The following SCARA3 variants were observed in gnomAD, a reference collection of about 807,000 sequenced individuals.
The protein encoded by SCARA3 is cellular stress response gene protein.
In SCARA3, 39 loss-of-function variants were observed where a neutral mutation model predicts 47.0. The ratio of observed to expected loss-of-function variants is 0.83; its 90% CI spans 0.64 to 1.08. SCARA3 has a LOEUF of 1.08. Ranked by LOEUF, SCARA3 falls within the 50% of genes least tolerant of loss-of-function variation. The probability of loss-of-function intolerance (pLI) is 0.00; values close to 1 mark genes in which losing one functional copy is unlikely to be tolerated. For missense variants in SCARA3, 724 were observed against 792.3 expected, an observed-to-expected ratio of 0.91 and a Z score of 1.04; for synonymous variants, 356 against 334.1, an observed-to-expected ratio of 1.07 and a Z score of -0.71.
chr8:27,658,576 C>T lies in SCARA3; in HGVS notation c.406C>T (p.Leu136=). Residue 136 remains leucine, a synonymous_variant, in exon 5 of 6, where the codon CTG becomes TTG. Coordinates refer to ENST00000301904, the MANE Select transcript of SCARA3 (RefSeq NM_016240.3). ...AGAGATCCGAAAACTGCAGGAGGAG[C>T]TGGAGGGAATTCAGAAGCTGCTTCT... ...GPEIRKLQEE[L]EGIQKLLLAQ... The T allele has an allele frequency of 6.2e-7, 1 of 1,614,168 alleles. No individual in the cohort carries two copies. Among genetic ancestry groups the T allele is most frequent in the Non-Finnish European group, 8.5e-7 (1 of 1,180,032 alleles).
Position 27,659,135 on chromosome 8 carries a change from A to G in SCARA3, c.965A>G (p.Glu322Gly), listed in dbSNP as rs1801831229. ...ATCTCGTCCTTCCTGGATGACCACG[A>G]AGAGAACATGCATGATCTTCAGTAC... is the stretch of plus-strand genomic sequence containing the variant. Reference protein sequence around the residue: ...DNISSFLDDHEENMHDLQYHT... With the variant: ...DNISSFLDDHGENMHDLQYHT... The change falls in exon 5 of 6, where the codon GAA becomes GGA. Residue 322 changes from glutamate to glycine, a missense_variant. Transcript: ENST00000301904. 1 of 1,613,952 alleles carries G rather than the reference A, an allele frequency of 6.2e-7. No individual in the cohort carries two copies. The highest frequency in any genetic ancestry group is 1.7e-5 in the Admixed American group (1 of 59,998).
chr8:27,660,777 TAGAAAC>T (rs980615744), intron 5 of SCARA3, among the ~76,000 whole-genome samples: 33 of 149,606 alleles, frequency 2.2e-4, no homozygotes, highest in Admixed American at 8.0e-4. Flanking sequence ...AGAGAGGTGA[TAGAAAC>T]AGAGATGATA....
At chr8:27,722,831 A>G in the SCARA3 span, among the ~76,000 whole-genome samples, 2 of 152,096 alleles carry the variant, frequency 1.3e-5, no homozygotes, top group Non-Finnish European at 2.9e-5. Context: ...TGAAGGTCAC[A>G]CCATCTGGTC....
Position 27,658,816 on chromosome 8 carries a change from G to C in SCARA3, c.646G>C (p.Val216Leu). Reference sequence around the variant, plus strand: ...GGACCTCACCCAGGAGTGCTACGATGTCAAGGCTGCAGTGCACCAGATCAA... The same window carrying C: ...GGACCTCACCCAGGAGTGCTACGATCTCAAGGCTGCAGTGCACCAGATCAA... ...LKDLTQECYD[V>L]KAAVHQINFT... Residue 216 changes from valine to leucine, a missense_variant, in exon 5 of 6, where the codon GTC becomes CTC. Val to Leu is a conservative substitution (Grantham distance 32). Coordinates refer to ENST00000301904, the MANE Select transcript of SCARA3 (RefSeq NM_016240.3). 1 of 1,614,190 alleles carries C rather than the reference G, an allele frequency of 6.2e-7. No homozygotes were observed. Among genetic ancestry groups the C allele is most frequent in the Non-Finnish European group, 8.5e-7 (1 of 1,180,024 alleles).
intron 5 of SCARA3, among the ~76,000 whole-genome samples, chr8:27,661,564 G>A (rs1801914326): frequency 6.6e-6 from 1 of 152,102 alleles, no homozygotes; most frequent in Admixed American, 6.6e-5. Context: ...AAATAAGGAG[G>A]ATTGATTACA....
At chr8:27,685,544 T>C in the SCARA3 span, among the ~76,000 whole-genome samples, 1 of 152,232 alleles carries the variant, frequency 6.6e-6, no homozygotes, top group East Asian at 1.9e-4. Context: ...AGCATGCATT[T>C]ACAGTTTTTG....
the SCARA3 span, among the ~76,000 whole-genome samples, chr8:27,715,063 A>G: frequency 6.6e-6 from 1 of 152,028 alleles, no homozygotes. This position sits in a 1 kb window ranked among gnomAD's most constrained non-coding sequence, Gnocchi z 4.2. Flanking sequence ...GGGACTATAG[A>G]CACAAGCCAC....
intron 1 of SCARA3, among the ~76,000 whole-genome samples, chr8:27,645,981 A>T (rs35599649): frequency 0.016 from 2,462 of 152,338 alleles, 82 homozygotes; most frequent in African/African-American, 0.057. Context: ...GGCTCGGCTT[A>T]TAAGAGCCTC....
the SCARA3 span, among the ~76,000 whole-genome samples, chr8:27,686,806 A>G: frequency 5.9e-5 from 9 of 152,114 alleles, no homozygotes; most frequent in Admixed American, 5.9e-4. Context: ...CTTTTATTTT[A>G]AGTTCAGGGT....
intron 1 of SCARA3, among the ~76,000 whole-genome samples, chr8:27,647,593 G>A (rs1801533477): frequency 6.6e-6 from 1 of 152,202 alleles, no homozygotes; most frequent in Non-Finnish European, 1.5e-5. Context: ...GAACATGACA[G>A]ATAGTCCCTG....
intron 1 of SCARA3, among the ~76,000 whole-genome samples, chr8:27,640,639 C>T (rs769420194): frequency 3.3e-5 from 5 of 152,044 alleles, no homozygotes; most frequent in African/African-American, 4.8e-5. Flanking sequence ...CTCAGCCTCC[C>T]GATTACTTAG....
At chr8:27,730,488 A>AT in the SCARA3 span, among the ~76,000 whole-genome samples, 79,533 of 137,014 alleles carry the variant, frequency 0.58, 23,563 homozygotes, top group East Asian at 0.95. Flanking sequence ...TCTGCCTTTG[A>AT]TTTTTTTTTT....
At chr8:27,727,019 C>T in the SCARA3 span, among the ~76,000 whole-genome samples, 4 of 152,028 alleles carry the variant, frequency 2.6e-5, no homozygotes, top group African/African-American at 9.7e-5. Context: ...AGTTATCTGC[C>T]CCCACCTCGG....
the SCARA3 span, among the ~76,000 whole-genome samples, chr8:27,728,660 T>C: frequency 2.6e-5 from 4 of 152,200 alleles, no homozygotes; most frequent in African/African-American, 9.7e-5. Flanking sequence ...CTGAATTATA[T>C]GTGAGATTGA....
intron 1 of SCARA3, among the ~76,000 whole-genome samples, chr8:27,635,798 A>G (rs1470444009): frequency 2.0e-5 from 3 of 152,148 alleles, no homozygotes; most frequent in African/African-American, 7.2e-5. Flanking sequence ...TCCCACCAAC[A>G]CACAAACACA....
At chr8:27,704,760 A>ACC in the SCARA3 span, among the ~76,000 whole-genome samples, 7 of 151,952 alleles carry the variant, frequency 4.6e-5, no homozygotes, top group Admixed American at 4.6e-4. Flanking sequence ...CATCACACAC[A>ACC]CACACACACG....
At chr8:27,686,985 C>G in the SCARA3 span, among the ~76,000 whole-genome samples, 1 of 143,346 alleles carries the variant, frequency 7.0e-6, no homozygotes, top group East Asian at 2.4e-4. Context: ...GAACAACAAT[C>G]CTATTTTATT....
At chr8:27,637,555 T>TTGGGGA (rs1801280844) in intron 1 of SCARA3, among the ~76,000 whole-genome samples, 1 of 152,058 alleles carries the variant, frequency 6.6e-6, no homozygotes, top group South Asian at 2.1e-4. Flanking sequence ...CCAAGAGCTC[T>TTGGGGA]GCGCCTGAGC....
the SCARA3 span, among the ~76,000 whole-genome samples, chr8:27,705,511 C>T: frequency 8.3e-4 from 127 of 152,380 alleles, no homozygotes; most frequent in Middle Eastern, 0.01. Flanking sequence ...GGCTGTGAAG[C>T]CAGAGGGATC....
Sources: allele counts gnomAD v4.1 joint callset (sites outside exome capture counted in the v4.1 genomes callset), GRCh38; gene constraint gnomAD v4.1.1; non-coding constraint Gnocchi (gnomAD v3.1); transcripts MANE v1.5; gene names NCBI Gene and HGNC (gene_info 2026-07-23, HGNC 2026-07-21).